DENND1A: variants seen among roughly 807,000 people sequenced by gnomAD.
DENND1A encodes DENN domain containing 1A, also known as DENN domain-containing protein 1A.
DENND1A carries 51 observed loss-of-function variants against 113.7 expected under a neutral mutation model. That is an observed-to-expected ratio of 0.45 (90% CI 0.36 to 0.57). DENND1A has a LOEUF of 0.57. DENND1A is among the 20% of genes least tolerant of loss of function. DENND1A has a pLI of 0.00. For synonymous variants in DENND1A, 565 were observed against 570.8 expected (o/e 0.99, Z 0.14); for missense variants, 1,258 against 1,395.9 (o/e 0.90, Z 1.57).
intron 11 of DENND1A, 22 bp from the exon 12 acceptor site, chr9:123,583,292 C>A: frequency 3.8e-6 from 6 of 1,590,100 alleles, no homozygotes; most frequent in Non-Finnish European, 4.3e-6. Flanking sequence ...AAAAAATCCA[C>A]AAGAGAAGGT....
chr9:123,569,220 G>A (rs943123726), intron 12 of DENND1A, among the ~76,000 whole-genome samples: 1 of 152,216 alleles, frequency 6.6e-6, no homozygotes, highest in African/African-American at 2.4e-5. Context: ...TACAATATCT[G>A]TGAGCTCTGC....
chr9:123,485,631 T>TGCGCCCGTGTGTGTGTGG (rs1340882880), intron 13 of DENND1A: 3 of 140,158 alleles, frequency 2.1e-5, no homozygotes, highest in African/African-American at 8.3e-5. Context: ...TGTGTGTGTG[T>TGCGCCCGTGTGTGTGTGG]GCGCGTACAC....
intron 2 of DENND1A, among the ~76,000 whole-genome samples, chr9:123,846,652 T>C (rs1842663588): frequency 6.6e-6 from 1 of 151,998 alleles, no homozygotes; most frequent in Non-Finnish European, 1.5e-5. Context: ...AATAGGCAAA[T>C]TCATAGAGAC....
At chr9:123,904,298 A>T (rs1336213015) in intron 1 of DENND1A, among the ~76,000 whole-genome samples, 1 of 151,892 alleles carries the variant, frequency 6.6e-6, no homozygotes, top group African/African-American at 2.4e-5. Context: ...GGAAACTCTA[A>T]AACGCAGAGC....
At chr9:123,698,191 A>G (rs1444230516) in intron 5 of DENND1A, among the ~76,000 whole-genome samples, 1 of 152,234 alleles carries the variant, frequency 6.6e-6, no homozygotes, top group Non-Finnish European at 1.5e-5. Flanking sequence ...AGGTGAGGAA[A>G]AGTCCAAAGA....
intron 1 of DENND1A, among the ~76,000 whole-genome samples, chr9:123,886,078 A>G (rs573096154): frequency 6.6e-6 from 1 of 152,322 alleles, no homozygotes; most frequent in Admixed American, 6.5e-5. Flanking sequence ...ACACCCAGCC[A>G]GGACCATGTT....
intron 9 of DENND1A, among the ~76,000 whole-genome samples, chr9:123,643,374 A>G (rs1352713953): frequency 6.6e-6 from 1 of 152,222 alleles, no homozygotes; most frequent in East Asian, 1.9e-4. Context: ...TTTCCTTCTG[A>G]AAAGCATCCG....
At chr9:123,890,806 T>A (rs1256837815) in intron 1 of DENND1A, among the ~76,000 whole-genome samples, 4 of 152,206 alleles carry the variant, frequency 2.6e-5, no homozygotes, top group Admixed American at 1.3e-4. Context: ...TATTCTTGAA[T>A]TTTTAAAATC....
At chr9:123,659,153 AAC>A (rs1254139130) in intron 8 of DENND1A, among the ~76,000 whole-genome samples, 3 of 152,226 alleles carry the variant, frequency 2.0e-5, no homozygotes, top group Non-Finnish European at 4.4e-5. Context: ...TTTGCACACT[AAC>A]ACTTCTCTGA....
intron 8 of DENND1A, among the ~76,000 whole-genome samples, chr9:123,655,030 T>C (rs187419470): frequency 2.6e-5 from 4 of 152,280 alleles, no homozygotes; most frequent in African/African-American, 7.2e-5. Context: ...TGAGAGACAA[T>C]TGAGTGAAAT....
chr9:123,536,279 G>C (rs947588732), intron 13 of DENND1A, among the ~76,000 whole-genome samples: 2 of 152,208 alleles, frequency 1.3e-5, no homozygotes, highest in African/African-American at 4.8e-5. Flanking sequence ...AGACCAGCCT[G>C]GCCAACATTG....
chr9:123,688,253 C>T (rs2064942706), intron 5 of DENND1A, among the ~76,000 whole-genome samples: 2 of 152,128 alleles, frequency 1.3e-5, no homozygotes, highest in Non-Finnish European at 1.5e-5. Context: ...ACTTCCTATA[C>T]TAGTAAGTAC....
At chr9:123,513,930 C>T (rs1385027239) in intron 13 of DENND1A, among the ~76,000 whole-genome samples, 3 of 152,236 alleles carry the variant, frequency 2.0e-5, no homozygotes, top group South Asian at 2.1e-4. Flanking sequence ...AACATGGATC[C>T]CCAAAGGCTT....
At chr9:123,466,710 AGGAT>A (rs1286363880) in intron 13 of DENND1A, among the ~76,000 whole-genome samples, 1 of 152,208 alleles carries the variant, frequency 6.6e-6, no homozygotes, top group Non-Finnish European at 1.5e-5. Context: ...CATCATTTTC[AGGAT>A]AAATGGTTGG....
Position 123,898,494 on chromosome 9 carries a change from A to AT in DENND1A, c.18-19474dup, listed in dbSNP as rs1012968408. On this transcript the variant is annotated intron_variant, in intron 1 of 23. Coordinates refer to ENST00000394215, the MANE Select transcript of DENND1A (RefSeq NM_001352964.2). ...CAGCCATGCACCACCACATCCAGCT[A>AT]TTTTTTTTTTCTTTTGTAAAGACAG... is the stretch of plus-strand genomic sequence containing the variant. Among the ~76,000 whole-genome samples, 474 of 148,808 alleles carry AT rather than the reference A, an allele frequency of 3.2e-3. 4 individuals carry two copies. The highest frequency in any genetic ancestry group is 5.2e-3 in the Non-Finnish European group (349 of 66,888).
chr9:123,588,283 CAA>C (rs10640791), intron 11 of DENND1A, among the ~76,000 whole-genome samples: 40 of 68,070 alleles, frequency 5.9e-4, no homozygotes, highest in Admixed American at 2.9e-3. Context: ...AACTCTGTCT[CAA>C]AAAAAAAAAA....
At chr9:123,693,318 A>T (rs1312012346) in intron 5 of DENND1A, among the ~76,000 whole-genome samples, 1 of 152,172 alleles carries the variant, frequency 6.6e-6, no homozygotes, top group African/African-American at 2.4e-5. Flanking sequence ...TCTTTTAAAA[A>T]TTCACTTCTT....
intron 8 of DENND1A, among the ~76,000 whole-genome samples, chr9:123,654,232 GT>G (rs1348877550): frequency 2.0e-5 from 3 of 152,162 alleles, no homozygotes; most frequent in Non-Finnish European, 4.4e-5. Flanking sequence ...GAGCATTTCA[GT>G]AAAAAGCTTA....
At chr9:123,450,873 T>C (rs998110042) in intron 17 of DENND1A, 124 bp from the exon 18 acceptor site, 2 of 719,372 alleles carry the variant, frequency 2.8e-6, no homozygotes, top group Non-Finnish European at 4.4e-6. Context: ...AATGGGATCA[T>C]CAAGTCGAAA....
Sources: gnomAD v4.1 joint callset for allele counts (sites outside exome capture counted in the v4.1 genomes callset) on GRCh38, gnomAD v4.1.1 for gene constraint, MANE v1.5 for transcripts, NCBI Gene and HGNC (gene_info 2026-07-23, HGNC 2026-07-21) for gene names.